Variants in WWTR1 observed in about 807,000 individuals in gnomAD.
The protein encoded by WWTR1 is WW domain-containing transcription regulator protein 1.
WWTR1 carries 13 observed loss-of-function variants against 40.1 expected under a neutral mutation model. That is an observed-to-expected ratio of 0.32 (90% confidence interval 0.21 to 0.52). The LOEUF (loss-of-function observed/expected upper bound fraction) is 0.52, where lower values mean the gene tolerates loss of function less well. Among genes scored for constraint, WWTR1 ranks in the 20% least tolerant of loss-of-function variants. The probability of loss-of-function intolerance (pLI) is 0.97; values close to 1 mark genes in which losing one functional copy is unlikely to be tolerated. For missense variants in WWTR1, 436 were observed against 523.1 expected (o/e 0.83, Z 1.63); for synonymous variants, 230 against 210.1 (o/e 1.09, Z -0.82).
intron 3 of WWTR1, among the ~76,000 whole-genome samples, chr3:149,562,791 T>A (rs1024030837): frequency 6.7e-6 from 1 of 150,116 alleles, no homozygotes; most frequent in South Asian, 2.1e-4. Context: ...AGAACAGCTG[T>A]TCTTGACCAC....
intron 3 of WWTR1, among the ~76,000 whole-genome samples, chr3:149,555,481 CA>C (rs2107963682): frequency 7.0e-6 from 1 of 142,660 alleles, no homozygotes; most frequent in Admixed American, 7.0e-5. Context: ...CAGGACCACT[CA>C]GGAAAAAAAA....
At chr3:149,678,195 CA>C (rs1714335028) in intron 1 of WWTR1, among the ~76,000 whole-genome samples, 1 of 152,142 alleles carries the variant, frequency 6.6e-6, no homozygotes, top group African/African-American at 2.4e-5. Context: ...TCAACTATTT[CA>C]AAATTATCTT....
chr3:149,701,808 T>A (rs1193995093), intron 1 of WWTR1: 2 of 175,432 alleles, frequency 1.1e-5, no homozygotes, highest in South Asian at 4.0e-4. Flanking sequence ...GCCCTTGTGC[T>A]TGCCTTCTGG....
intron 3 of WWTR1, among the ~76,000 whole-genome samples, chr3:149,550,795 C>G (rs1219749071): frequency 8.1e-6 from 1 of 123,964 alleles, no homozygotes; most frequent in Non-Finnish European, 1.7e-5. Flanking sequence ...TTTCCATAAG[C>G]ACGTGATGAT....
chr3:149,525,855 T>C (rs1735278911), intron 6 of WWTR1, 158 bp downstream of exon 6: 1 of 430,070 alleles, frequency 2.3e-6, no homozygotes, highest in Non-Finnish European at 4.0e-6. Context: ...AACCCCGGCA[T>C]CACATAACCA....
intron 2 of WWTR1, among the ~76,000 whole-genome samples, chr3:149,639,731 C>G (rs879309833): frequency 6.6e-6 from 1 of 152,036 alleles, no homozygotes; most frequent in South Asian, 2.1e-4. Flanking sequence ...CAGTGGCTCA[C>G]GCCTGTAATC....
intron 2 of WWTR1, among the ~76,000 whole-genome samples, chr3:149,622,430 A>G (rs1004671058): frequency 6.6e-6 from 1 of 150,694 alleles, no homozygotes; most frequent in Non-Finnish European, 1.5e-5. Context: ...CAACCAAACC[A>G]TATTTTCCCA....
chr3:149,601,542 A>G (rs115702337), intron 2 of WWTR1, among the ~76,000 whole-genome samples: 2,868 of 152,232 alleles, frequency 0.019, 79 homozygotes, highest in African/African-American at 0.066. Context: ...ATGCCCAGGC[A>G]TGACCATTTC....
rs903402024 is a variant in WWTR1 at position 149,564,019 on chromosome 3, G to A, written c.568+8845C>T. On this transcript the variant is annotated intron_variant, in intron 3 of 6. Transcript: ENST00000360632. ...TCTGCCCGCCTTGGCCTCCCAAAGC[G>A]CTGGGATTACAGGTGTGAGACACTG... 7.9e-5 allele frequency among the ~76,000 whole-genome samples: 12 copies of A among 152,292 alleles called. No homozygotes were observed. The East Asian group carries it at 1.2e-3, about 15-fold the overall frequency.
At chr3:149,636,521 T>G (rs1711822989) in intron 2 of WWTR1, among the ~76,000 whole-genome samples, 1 of 152,196 alleles carries the variant, frequency 6.6e-6, no homozygotes, top group South Asian at 2.1e-4. Flanking sequence ...AAAACTGATT[T>G]TTTAGAATTT....
At chr3:149,632,452 T>C (rs1385300782) in intron 2 of WWTR1, among the ~76,000 whole-genome samples, 1 of 152,116 alleles carries the variant, frequency 6.6e-6, no homozygotes, top group Non-Finnish European at 1.5e-5. Context: ...TCATGAGTAC[T>C]CTCTATGACT....
intron 2 of WWTR1, among the ~76,000 whole-genome samples, chr3:149,592,823 T>C (rs1738796717): frequency 6.6e-6 from 1 of 152,176 alleles, no homozygotes; most frequent in Non-Finnish European, 1.5e-5. Flanking sequence ...CAAAGCACTC[T>C]GGGTGGCTCC....
chr3:149,688,570 G>A (rs1326445989), intron 1 of WWTR1, among the ~76,000 whole-genome samples: 1 of 152,218 alleles, frequency 6.6e-6, no homozygotes, highest in Non-Finnish European at 1.5e-5. Context: ...GCATTACTGG[G>A]ATTGGGGTGC....
At position 149,628,737 on chromosome 3, in the gene WWTR1, T is replaced by TA. The variant is rs1353160159; in HGVS notation, c.431+28138_431+28139insT. Among the ~76,000 whole-genome samples, 284 of 144,742 alleles carry TA rather than the reference T, an allele frequency of 2.0e-3. 1 individual carries two copies. Among genetic ancestry groups the TA allele is most frequent in the African/African-American group, 7.0e-3 (271 of 38,562 alleles). 95.0% of individuals were successfully genotyped at this position (144,742 alleles called of 152,430 possible). On this transcript the variant is annotated intron_variant, in intron 2 of 6. Transcript: ENST00000360632. ...GTCTCACAAATGATTCTTTTTATTT[T>TA]TTTTATTTTATTTTATTTTATTTTA...
chr3:149,610,408 G>A (rs1046554953), intron 2 of WWTR1, among the ~76,000 whole-genome samples: 2 of 152,122 alleles, frequency 1.3e-5, no homozygotes, highest in Admixed American at 6.5e-5. Context: ...AACTTTAAGG[G>A]TGTCTCTGTT....
intron 2 of WWTR1, among the ~76,000 whole-genome samples, chr3:149,628,429 A>AGC (rs1711496987): frequency 6.6e-6 from 1 of 151,410 alleles, no homozygotes; most frequent in African/African-American, 2.5e-5. Context: ...TGTGAGCTGC[A>AGC]TGCTTTGCAA....
At chr3:149,686,838 G>T (rs1714671873) in intron 1 of WWTR1, among the ~76,000 whole-genome samples, 1 of 152,090 alleles carries the variant, frequency 6.6e-6, no homozygotes, top group Non-Finnish European at 1.5e-5. Context: ...TTCTCTCATT[G>T]CTATCCACCC....
At chr3:149,709,352 T>A (rs1171941259) in intron 5 of WWTR1, among the ~76,000 whole-genome samples, 2 of 152,098 alleles carry the variant, frequency 1.3e-5, no homozygotes, top group Non-Finnish European at 2.9e-5. Flanking sequence ...TGTATTAATA[T>A]CTCCCTGTTG....
intron 3 of WWTR1, among the ~76,000 whole-genome samples, chr3:149,566,833 A>G (rs115864678): frequency 2.9e-3 from 436 of 151,464 alleles, no homozygotes; most frequent in African/African-American, 9.8e-3. Flanking sequence ...AAAAACACAC[A>G]TGTGTTTATA....
Sources: gnomAD v4.1 joint callset for allele counts (sites outside exome capture counted in the v4.1 genomes callset) on GRCh38, gnomAD v4.1.1 for gene constraint, MANE v1.5 for transcripts, NCBI Gene and HGNC (gene_info 2026-07-23, HGNC 2026-07-21) for gene names.